RAF1: variants seen among roughly 807,000 people sequenced by gnomAD.
RAF1 encodes RAF proto-oncogene serine/threonine-protein kinase.
Under a neutral mutation model 81.1 loss-of-function variants are expected in RAF1, and 27 were observed. That is an observed-to-expected ratio of 0.33 (90% CI 0.25 to 0.46). The LOEUF (loss-of-function observed/expected upper bound fraction) is 0.46, where lower values mean the gene tolerates loss of function less well. Among genes scored for constraint, RAF1 ranks in the 20% least tolerant of loss-of-function variants. The probability of loss-of-function intolerance (pLI) is 1.00; values close to 1 mark genes in which losing one functional copy is unlikely to be tolerated. For synonymous variants in RAF1, 298 were observed against 294.0 expected (o/e 1.01, Z -0.14); for missense variants, 598 against 826.0 (o/e 0.72, Z 3.38).
rs367708473 is a variant in RAF1, at chr3:12,590,982, G to T, written c.1254-8C>A. The T allele has an allele frequency of 1.2e-6, 2 of 1,604,638 alleles. No homozygotes were observed. Among genetic ancestry groups the T allele is most frequent in the East Asian group, 4.5e-5 (2 of 44,716 alleles). ...TTCACATGCCGTGTTTTGCTGGGGA[G>T]GGGAGGGGAAGAGAGGAGAGGGAGG... On this transcript the variant is annotated splice_polypyrimidine_tract_variant and splice_region_variant and intron_variant, in intron 12 of 17. Transcript: ENST00000442415.
rs1201469985 is a variant in RAF1, at chr3:12,583,948, G to C, written c.*566C>G. On this transcript the variant is annotated 3_prime_UTR_variant, in exon 18 of 18. Coordinates refer to ENST00000442415, the MANE Select transcript of RAF1 (RefSeq NM_001354689.3). ...ATGCACTGGACACCTTAGAAGCTGT[G>C]AAAGGAGGACGTGTCCCCTAAGAAA... 2.5e-5 allele frequency: 6 copies of C among 243,486 alleles called. No individual in the cohort carries two copies. The highest frequency in any genetic ancestry group is 5.0e-5 in the Admixed American group (1 of 20,026). 15.1% of individuals were successfully genotyped at this position (243,486 alleles called of 1,614,324 possible).
intron 11 of RAF1, among the ~76,000 whole-genome samples, chr3:12,594,049 G>C (rs930407726): frequency 6.6e-6 from 1 of 152,160 alleles, no homozygotes; most frequent in African/African-American, 2.4e-5. Context: ...GAGGTGAGGG[G>C]GATGAGAGAA....
At position 12,618,743 on chromosome 3, in the gene RAF1, T is replaced by G; in HGVS notation, c.-22A>C. 1.9e-6 allele frequency: 3 copies of G among 1,610,322 alleles called. No individual in the cohort carries two copies. Among genetic ancestry groups the G allele is most frequent in the Non-Finnish European group, 2.5e-6 (3 of 1,176,916 alleles). On this transcript the variant is annotated 5_prime_UTR_variant, in exon 2 of 18. Coordinates refer to ENST00000442415, the MANE Select transcript of RAF1 (RefSeq NM_001354689.3). ...CCATTGATGCAGCTTAAACAATTCT[T>G]AAACCTGGTAAGAAACACAAATAAT... is the stretch of plus-strand genomic sequence containing the variant.
At chr3:12,627,640 CCCT>C (rs2059743976) in intron 1 of RAF1, among the ~76,000 whole-genome samples, 1 of 152,136 alleles carries the variant, frequency 6.6e-6, no homozygotes, top group Non-Finnish European at 1.5e-5. Flanking sequence ...GTGGTAGGTT[CCCT>C]AGGTTCACCA....
chr3:12,624,332 A>G lies in RAF1; in HGVS notation c.-26-5585T>C, dbSNP rs192003837. Reference sequence around the variant, plus strand: ...CTAAGGTATTCCTTTATCAACGCAAACATCTGAAAAATCAGGGCAGACATC... The same window carrying G: ...CTAAGGTATTCCTTTATCAACGCAAGCATCTGAAAAATCAGGGCAGACATC... On this transcript the variant is annotated intron_variant, in intron 1 of 17. Coordinates refer to ENST00000442415, the MANE Select transcript of RAF1 (RefSeq NM_001354689.3). 1.1e-4 allele frequency among the ~76,000 whole-genome samples: 16 copies of G among 152,318 alleles called. 1 individual carries two copies. The East Asian group carries it at 2.9e-3, about 28-fold the overall frequency.
At chr3:12,588,886 A>G (rs1184068002) in intron 13 of RAF1, 1 of 152,134 alleles carries the variant, frequency 6.6e-6, no homozygotes, top group East Asian at 1.9e-4. Context: ...ATTCCTCACA[A>G]ACGGCTCGGT....
At chr3:12,637,090 C>G (rs1334761798) in intron 1 of RAF1, among the ~76,000 whole-genome samples, 1 of 152,064 alleles carries the variant, frequency 6.6e-6, no homozygotes, top group Non-Finnish European at 1.5e-5. Flanking sequence ...AAAAAACATT[C>G]TAAGTTAGCA....
At chr3:12,647,518 A>T (rs1340319727) in intron 1 of RAF1, among the ~76,000 whole-genome samples, 1 of 151,622 alleles carries the variant, frequency 6.6e-6, no homozygotes, top group Non-Finnish European at 1.5e-5. Context: ...ACCTGAGCCC[A>T]GGGAGGTCCA....
At position 12,644,132 on chromosome 3, in the gene RAF1, G is replaced by C. The variant is rs541231634; in HGVS notation, c.-27+19681C>G. Among the ~76,000 whole-genome samples the C allele has an allele frequency of 2.6e-5, 4 of 152,214 alleles. No individual in the cohort carries two copies. In the South Asian group the frequency reaches 8.3e-4, roughly 32 times the overall value. ...CTATGTTCAAGGTGCAAGATTATTA[G>C]GGAGCAGCACACATACAAAGTACAA... On this transcript the variant is annotated intron_variant, in intron 1 of 17. Coordinates refer to ENST00000442415, the MANE Select transcript of RAF1 (RefSeq NM_001354689.3).
chr3:12,587,774 G>T, intron 13 of RAF1, 137 bp from the exon 13 acceptor site: 1 of 649,428 alleles, frequency 1.5e-6, no homozygotes, highest in Non-Finnish European at 2.8e-6. Flanking sequence ...ACCCTGTGCT[G>T]TTCAGCCTGG....
At position 12,663,972 on chromosome 3, in the gene RAF1, G is replaced by C; in HGVS notation, c.-186C>G. On this transcript the variant is annotated 5_prime_UTR_variant, in exon 1 of 18. Coordinates refer to ENST00000442415, the MANE Select transcript of RAF1 (RefSeq NM_001354689.3). The stretch of plus-strand genomic sequence containing the variant: ...GCAGCCCCCGCATCGTAGCAAACGC[G>C]CTCCGCGCCTCAGGGCACGCGCCCC... 1 of 398,498 alleles carries C rather than the reference G, an allele frequency of 2.5e-6. No homozygotes were observed. The highest frequency in any genetic ancestry group is 4.4e-6 in the Non-Finnish European group (1 of 225,946). 24.7% of individuals were successfully genotyped at this position (398,498 alleles called of 1,614,324 possible). A position where few individuals can be genotyped will look rare whatever the true frequency, so the allele number is the denominator to read the frequency against.
At chr3:12,644,870 T>C (rs1396764433) in intron 1 of RAF1, among the ~76,000 whole-genome samples, 2 of 151,844 alleles carry the variant, frequency 1.3e-5, no homozygotes, top group Middle Eastern at 3.2e-3. Flanking sequence ...GAGGCAGAGA[T>C]GGGTGGATCA....
chr3:12,600,184 G>A lies in RAF1; in HGVS notation c.1018C>T (p.Pro340Ser), dbSNP rs1406867543. 2.5e-6 allele frequency: 4 copies of A among 1,614,142 alleles called. No individual in the cohort carries two copies. Among genetic ancestry groups the A allele is most frequent in the Admixed American group, 1.7e-5 (1 of 60,018 alleles). Residue 340 changes from proline to serine, a missense_variant, in exon 10 of 18, where the codon CCA becomes TCA. By Grantham distance (74) the Pro-to-Ser change is moderately conservative. Around this residue, in one of 5 missense-constraint regions of RAF1, gnomAD observed 194 missense variants for 202.7 expected, o/e 0.96. Coordinates refer to ENST00000442415, the MANE Select transcript of RAF1 (RefSeq NM_001354689.3). ...TTTTTCTCCTGGGTCCCAGATACTGGTGCCCGCTCTCTTTGTGCTGGCACG... is the reference window on the plus strand; with the variant it reads ...TTTTTCTCCTGGGTCCCAGATACTGATGCCCGCTCTCTTTGTGCTGGCACG...
chr3:12,590,254 C>T (rs2058467194), intron 13 of RAF1: 2 of 166,092 alleles, frequency 1.2e-5, no homozygotes, highest in Admixed American at 1.1e-4. Context: ...TCTGATAAAG[C>T]CAGGGTAGCA....
chr3:12,652,366 CA>C (rs2060559657), intron 1 of RAF1, among the ~76,000 whole-genome samples: 1 of 144,908 alleles, frequency 6.9e-6, no homozygotes, highest in Non-Finnish European at 1.5e-5. Context: ...ACTAAAAATA[CA>C]AAAATTAACT....
At chr3:12,617,807 C>T (rs2059420386) in intron 2 of RAF1, among the ~76,000 whole-genome samples, 1 of 147,714 alleles carries the variant, frequency 6.8e-6, no homozygotes, top group Admixed American at 6.9e-5. Flanking sequence ...GCAGGAGAAT[C>T]ACTTCAACCC....
In RAF1 at chr3:12,591,625, G is replaced by T; in HGVS notation, c.1253+83C>A. On this transcript the variant is annotated intron_variant, in intron 12 of 17. Coordinates refer to ENST00000442415, the MANE Select transcript of RAF1 (RefSeq NM_001354689.3). ...CCTAACTGCCTGCCCGTCCCAACCT[G>T]CGGCACAGTCCACTAACTCTACAGT... 2.4e-6 allele frequency: 3 copies of T among 1,273,784 alleles called. No individual in the cohort carries two copies. In the East Asian group the frequency reaches 7.0e-5, roughly 30 times the overall value. 78.9% of individuals were successfully genotyped at this position (1,273,784 alleles called of 1,614,324 possible).
At chr3:12,648,055 C>G (rs962947275) in intron 1 of RAF1, among the ~76,000 whole-genome samples, 3 of 152,156 alleles carry the variant, frequency 2.0e-5, no homozygotes, top group African/African-American at 7.2e-5. Flanking sequence ...CACAAATAAG[C>G]TTAAATTATT....
At chr3:12,616,577 C>G (rs942517546) in intron 2 of RAF1, among the ~76,000 whole-genome samples, 19 of 152,074 alleles carry the variant, frequency 1.2e-4, no homozygotes, top group Admixed American at 2.0e-4. Flanking sequence ...TTGAGTTTTG[C>G]CTTCAGTTCA....
Sources: gnomAD v4.1 joint callset for allele counts (sites outside exome capture counted in the v4.1 genomes callset) on GRCh38, gnomAD v4.1.1 for gene constraint, gnomAD v4.1.1 regional missense constraint, MANE v1.5 for transcripts, NCBI Gene and HGNC (gene_info 2026-07-23, HGNC 2026-07-21) for gene names.